PAK1: variants seen among roughly 807,000 people sequenced by gnomAD.
PAK1 encodes serine/threonine-protein kinase PAK 1.
In PAK1, 29 loss-of-function variants were observed where a neutral mutation model predicts 67.4. The ratio of observed to expected loss-of-function variants is 0.43; its 90% CI spans 0.32 to 0.59. The LOEUF is 0.59. Among genes scored for constraint, PAK1 ranks in the 20% least tolerant of loss-of-function variants. The pLI, the probability that PAK1 is intolerant of heterozygous loss-of-function variation, is 0.07. For missense variants in PAK1, 337 were observed against 670.7 expected (o/e 0.50, Z 5.50); for synonymous variants, 223 against 237.4 (o/e 0.94, Z 0.56).
rs1427698045 is a variant in PAK1, at chr11:77,336,119, C to T, written c.1380G>A (p.Gly460=). The T allele has an allele frequency of 1.9e-6, 3 of 1,612,086 alleles. No individual in the cohort carries two copies. Among genetic ancestry groups the T allele is most frequent in the Admixed American group, 3.3e-5 (2 of 59,970 alleles). ...LGIMAIEMIE[G]EPPYLNENPL... ...GGTTTTCATTGAGGTATGGAGGCTC[C>T]CCTTCAATCATTTCGATGGCCATGA... Residue 460 remains glycine (G), a synonymous_variant, in exon 13 of 15, where the codon GGG becomes GGA. Coordinates refer to ENST00000356341, the MANE Select transcript of PAK1 (RefSeq NM_002576.5).
intron 1 of PAK1, among the ~76,000 whole-genome samples, chr11:77,421,548 G>C (rs1955264064): frequency 6.6e-6 from 1 of 152,302 alleles, no homozygotes; most frequent in Middle Eastern, 3.4e-3. Flanking sequence ...CAAAGGCAAA[G>C]ACTTTGTCTT....
At chr11:77,351,093 T>TA (rs1945174924) in intron 8 of PAK1, among the ~76,000 whole-genome samples, 1 of 152,178 alleles carries the variant, frequency 6.6e-6, no homozygotes, top group Non-Finnish European at 1.5e-5. Context: ...CTTCAGGTCT[T>TA]AAAGGAGAAA....
At chr11:77,387,020 C>T (rs373044383) in intron 2 of PAK1, among the ~76,000 whole-genome samples, 3 of 151,588 alleles carry the variant, frequency 2.0e-5, no homozygotes, top group Non-Finnish European at 2.9e-5. Context: ...GTGATCCACC[C>T]GCCTTGGCCT....
At chr11:77,424,413 A>G (rs1955443946) in intron 1 of PAK1, among the ~76,000 whole-genome samples, 1 of 152,170 alleles carries the variant, frequency 6.6e-6, no homozygotes, top group South Asian at 2.1e-4. Context: ...GGAACTGCAT[A>G]TTTGCCCCTA....
At chr11:77,471,052 T>G (rs553171798) in intron 1 of PAK1, among the ~76,000 whole-genome samples, 1 of 152,328 alleles carries the variant, frequency 6.6e-6, no homozygotes, top group Admixed American at 6.5e-5. Context: ...TACATAGAAT[T>G]AAATCATCTT....
chr11:77,353,047 T>C (rs1945491460), intron 8 of PAK1: 1 of 153,574 alleles, frequency 6.5e-6, no homozygotes, highest in South Asian at 2.0e-4. Context: ...AGGAACTCAG[T>C]TAAGACTTGC....
upstream of PAK1, among the ~76,000 whole-genome samples, chr11:77,479,201 C>T (rs182070882): frequency 6.6e-6 from 1 of 152,172 alleles, no homozygotes; most frequent in African/African-American, 2.4e-5. Flanking sequence ...AGCATACCGT[C>T]ACGAGTTCTA....
At chr11:77,418,868 A>G (rs1955109479) in intron 1 of PAK1, among the ~76,000 whole-genome samples, 1 of 152,232 alleles carries the variant, frequency 6.6e-6, no homozygotes, top group African/African-American at 2.4e-5. Flanking sequence ...TACAAAACTA[A>G]AAAGTGCTGC....
chr11:77,435,494 C>G (rs1200622939), intron 1 of PAK1, among the ~76,000 whole-genome samples: 1 of 141,296 alleles, frequency 7.1e-6, no homozygotes, highest in Non-Finnish European at 1.6e-5. Flanking sequence ...CATATTTTCT[C>G]TTTTTTTTTT....
At chr11:77,430,816 C>A (rs891789975) in intron 1 of PAK1, among the ~76,000 whole-genome samples, 1 of 152,110 alleles carries the variant, frequency 6.6e-6, no homozygotes, top group African/African-American at 2.4e-5. Flanking sequence ...ACAGTAGGAG[C>A]CTAAAATATA....
At chr11:77,426,078 C>CTTTT (rs35602138) in intron 1 of PAK1, among the ~76,000 whole-genome samples, 5 of 117,238 alleles carry the variant, frequency 4.3e-5, no homozygotes, top group African/African-American at 1.4e-4. Flanking sequence ...TTGAAGGCCT[C>CTTTT]TTTTTTTTTT....
the PAK1 span, among the ~76,000 whole-genome samples, chr11:77,508,659 C>T: frequency 4.6e-3 from 523 of 114,744 alleles, no homozygotes; most frequent in Middle Eastern, 9.1e-3. Flanking sequence ...CATAGAGATT[C>T]TTTTTTTTTT....
At chr11:77,432,640 G>A (rs562008566) in intron 1 of PAK1, among the ~76,000 whole-genome samples, 112 of 151,978 alleles carry the variant, frequency 7.4e-4, no homozygotes, top group African/African-American at 2.6e-3. Flanking sequence ...CCTAGGTGGC[G>A]GAATGAGACC....
chr11:77,487,828 T>C, the PAK1 span, among the ~76,000 whole-genome samples: 2 of 152,138 alleles, frequency 1.3e-5, no homozygotes, highest in African/African-American at 4.8e-5. Flanking sequence ...CTGGACGGCA[T>C]CTCTGAACCC....
At chr11:77,469,173 C>T (rs150883531) in intron 1 of PAK1, among the ~76,000 whole-genome samples, 2,035 of 152,280 alleles carry the variant, frequency 0.013, 18 homozygotes, top group Non-Finnish European at 0.017. Flanking sequence ...GAAAATAGCA[C>T]ATAGCTGCTG....
intron 5 of PAK1, among the ~76,000 whole-genome samples, chr11:77,365,267 A>T (rs1197958096): frequency 2.4e-5 from 2 of 82,836 alleles, no homozygotes; most frequent in African/African-American, 1.0e-4. Context: ...AAAAAAAAAA[A>T]AGAAAAAAGA....
At chr11:77,460,978 A>C (rs1182150506) in intron 1 of PAK1, among the ~76,000 whole-genome samples, 1 of 152,230 alleles carries the variant, frequency 6.6e-6, no homozygotes, top group Non-Finnish European at 1.5e-5. Context: ...AAACACAGGC[A>C]GAAAACTAGG....
chr11:77,481,567 C>G, the PAK1 span, among the ~76,000 whole-genome samples: 2 of 150,122 alleles, frequency 1.3e-5, no homozygotes, highest in Non-Finnish European at 2.9e-5. Flanking sequence ...CCCAGGTACT[C>G]AGGAGGCTGA....
intron 1 of PAK1, among the ~76,000 whole-genome samples, chr11:77,454,514 C>T (rs974560218): frequency 6.6e-6 from 1 of 151,978 alleles, no homozygotes; most frequent in Non-Finnish European, 1.5e-5. Flanking sequence ...CCTAACAGAG[C>T]CCAGACTTTT....
Sources: allele counts gnomAD v4.1 joint callset (sites outside exome capture counted in the v4.1 genomes callset), GRCh38; gene constraint gnomAD v4.1.1; transcripts MANE v1.5; gene names NCBI Gene and HGNC (gene_info 2026-07-23, HGNC 2026-07-21).